CTTN: variants seen among roughly 807,000 people sequenced by gnomAD.
CTTN encodes the protein cortactin.
CTTN carries 28 observed loss-of-function variants against 84.0 expected under a neutral mutation model. The observed-to-expected ratio is 0.33, with a 90% confidence interval of 0.25 to 0.46. CTTN has a LOEUF of 0.46. CTTN is among the 20% of genes least tolerant of loss of function. CTTN has a pLI of 1.00. For missense variants in CTTN, 641 were observed against 723.8 expected, an observed-to-expected ratio of 0.89 and a Z score of 1.31; for synonymous variants, 301 against 288.8, an observed-to-expected ratio of 1.04 and a Z score of -0.43.
intron 7 of CTTN, chr11:70,416,057 T>A (rs1422215617): frequency 1.1e-5 from 3 of 284,376 alleles, no homozygotes; most frequent in Admixed American, 9.6e-5. Flanking sequence ...AGCTCACAGA[T>A]TGATCGGCAG....
chr11:70,412,411 A>G (rs926738905), intron 5 of CTTN, among the ~76,000 whole-genome samples: 3 of 152,320 alleles, frequency 2.0e-5, no homozygotes, highest in Middle Eastern at 3.4e-3. Flanking sequence ...CGACAGAGAG[A>G]GACGCTGTCT....
At chr11:70,413,539 G>A (rs978883118) in intron 5 of CTTN, among the ~76,000 whole-genome samples, 4 of 152,322 alleles carry the variant, frequency 2.6e-5, no homozygotes, top group East Asian at 3.9e-4. Flanking sequence ...GTGAATGGCT[G>A]TGGCTGTGTC....
At chr11:70,410,227 GC>G in intron 5 of CTTN, 1 of 385,738 alleles carries the variant, frequency 2.6e-6, no homozygotes. Context: ...CTCAGAGGCA[GC>G]CTTGTGATAG....
chr11:70,406,541 A>G (rs967661029), intron 2 of CTTN, among the ~76,000 whole-genome samples: 2 of 151,744 alleles, frequency 1.3e-5, no homozygotes, highest in Non-Finnish European at 2.9e-5. Context: ...AAAAAACCTT[A>G]AAATTTTATA....
In CTTN at chr11:70,419,812, G is replaced by T; in HGVS notation, c.635G>T (p.Gly212Val). ...DKDKVDKSAV[G>V]FEYQGKTEKH... is the part of the protein sequence containing the mutation. ...GACAAAGTGGATAAGAGCGCCGTTG[G>T]CTTTGAGTATCAAGGCAAAACGGAG... The change falls in exon 9 of 18, where the codon GGC becomes GTC. Residue 212 changes from glycine (G) to valine (V), a missense_variant. This residue lies in a region of CTTN where 284 missense variants were observed against 348.4 expected (regional missense o/e 0.82). Transcript: ENST00000301843. 6.2e-7 allele frequency: 1 copy of T among 1,613,558 alleles called. No homozygotes were observed. The highest frequency in any genetic ancestry group is 8.5e-7 in the Non-Finnish European group (1 of 1,179,932).
At chr11:70,424,226 C>T (rs1188114126) in intron 12 of CTTN, among the ~76,000 whole-genome samples, 4 of 152,046 alleles carry the variant, frequency 2.6e-5, no homozygotes, top group Admixed American at 1.3e-4. Context: ...CTGGGACAGA[C>T]GGAGGGAAGG....
chr11:70,406,521 GA>G (rs200374908), intron 2 of CTTN, among the ~76,000 whole-genome samples: 5,921 of 122,496 alleles, frequency 0.048, 315 homozygotes, highest in African/African-American at 0.15. Context: ...TACATAGTTT[GA>G]AAAAAAAAAA....
At chr11:70,402,375 T>C (rs1216339881) in intron 1 of CTTN, among the ~76,000 whole-genome samples, 1 of 152,146 alleles carries the variant, frequency 6.6e-6, no homozygotes. Context: ...TACTCTCCAC[T>C]GGTTTTTAGT....
chr11:70,431,404 A>T, intron 15 of CTTN, 124 bp downstream of exon 15: 3 of 990,694 alleles, frequency 3.0e-6, no homozygotes, highest in Non-Finnish European at 4.7e-6. Context: ...GCATCGCTGC[A>T]TTCCACGCCC....
intron 8 of CTTN, 149 bp downstream of exon 8, chr11:70,417,272 T>G (rs1483211826): frequency 1.5e-6 from 1 of 648,618 alleles, no homozygotes; most frequent in Non-Finnish European, 2.8e-6. Context: ...CTTTTCCTAA[T>G]TCGAATGGCT....
chr11:70,403,371 T>C (rs879214412), intron 1 of CTTN, among the ~76,000 whole-genome samples: 3 of 152,038 alleles, frequency 2.0e-5, no homozygotes, highest in Non-Finnish European at 4.4e-5. Flanking sequence ...GTATTTTTCG[T>C]AGAGACGGGG....
At chr11:70,424,005 G>GCCTC (rs1006045766) in intron 12 of CTTN, among the ~76,000 whole-genome samples, 47 of 152,302 alleles carry the variant, frequency 3.1e-4, no homozygotes, top group African/African-American at 1.1e-3. Context: ...GGGACGCAGG[G>GCCTC]GAGGGAGCAG....
rs1275243881 is a variant in CTTN at position 70,429,149 on chromosome 11, C to T, written c.1126C>T (p.Arg376Trp). The T allele has an allele frequency of 3.7e-6, 6 of 1,613,794 alleles. No individual in the cohort carries two copies. Among genetic ancestry groups the T allele is most frequent in the East Asian group, 4.5e-5 (2 of 44,894 alleles). ...GAAGGCGGAGGCGGAGAGAGCCCAG[C>T]GGATGGCCAAGGAGCGGCAGGAGCA... ...RRKAEAERAQ[R>W]MAKERQEQEE... The change falls in exon 14 of 18, where the codon CGG becomes TGG. Residue 376 changes from arginine (R) to tryptophan (W), a missense_variant. Arg to Trp is a moderately radical substitution (Grantham distance 101). Coordinates refer to ENST00000301843, the MANE Select transcript of CTTN (RefSeq NM_005231.4).
intron 11 of CTTN, chr11:70,421,888 G>A: frequency 2.9e-6 from 1 of 347,690 alleles, no homozygotes; most frequent in Admixed American, 4.5e-5. Flanking sequence ...GTCTCCAGCA[G>A]CATTCTGCCC....
chr11:70,406,315 G>A (rs1056442402), intron 2 of CTTN, among the ~76,000 whole-genome samples: 1 of 152,168 alleles, frequency 6.6e-6, no homozygotes, highest in Admixed American at 6.5e-5. Flanking sequence ...CTCAAGCTGC[G>A]AAGGGGTTTT....
At chr11:70,405,677 A>C (rs1431951899) in intron 2 of CTTN, among the ~76,000 whole-genome samples, 1 of 152,162 alleles carries the variant, frequency 6.6e-6, no homozygotes, top group Non-Finnish European at 1.5e-5. Flanking sequence ...GAAGCTCGCA[A>C]GTGCCCACCC....
chr11:70,419,820 T>C lies in CTTN; in HGVS notation c.643T>C (p.Tyr215His), dbSNP rs1166198529. The C allele has an allele frequency of 1.9e-6, 3 of 1,613,424 alleles. No individual in the cohort carries two copies. The highest frequency in any genetic ancestry group is 2.5e-6 in the Non-Finnish European group (3 of 1,179,898). Residue 215 changes from tyrosine (Y) to histidine (H), a missense_variant, in exon 9 of 18, where the codon TAT (tyrosine) becomes CAT (histidine). By Grantham distance (83) the Tyr-to-His change is moderately conservative. Transcript: ENST00000301843. The stretch of plus-strand genomic sequence containing the variant: ...GGATAAGAGCGCCGTTGGCTTTGAG[T>C]ATCAAGGCAAAACGGAGAAGCACGA... ...KVDKSAVGFE[Y>H]QGKTEKHESQ...
Position 70,421,342 on chromosome 11 carries a change from G to A in CTTN, c.791-128G>A. 4.1e-6 allele frequency: 3 copies of A among 728,702 alleles called. No homozygotes were observed. In the South Asian group the frequency reaches 4.8e-5, roughly 12 times the overall value. 45.1% of individuals were successfully genotyped at this position (728,702 alleles called of 1,614,324 possible). A position where few individuals can be genotyped will look rare whatever the true frequency, so the allele number is the denominator to read the frequency against. ...TGAGCCTGGGAGTAGGATCTCAAAG[G>A]CCCTAAGCTCAGGAGAGCCCTTGCT... On this transcript the variant is annotated intron_variant, in intron 10 of 17. Transcript: ENST00000301843.
At chr11:70,411,284 G>A (rs1483831988) in intron 5 of CTTN, among the ~76,000 whole-genome samples, 7 of 109,576 alleles carry the variant, frequency 6.4e-5, no homozygotes, top group Non-Finnish European at 1.4e-4. Flanking sequence ...CGAGCGAAGC[G>A]TGTGCACACG....
Sources: allele counts gnomAD v4.1 joint callset (sites outside exome capture counted in the v4.1 genomes callset), GRCh38; gene constraint gnomAD v4.1.1; regional missense constraint gnomAD v4.1.1; transcripts MANE v1.5; gene names NCBI Gene and HGNC (gene_info 2026-07-23, HGNC 2026-07-21).